Variants in CEP350 observed in about 807,000 individuals in gnomAD.
CEP350 encodes centrosomal protein 350.
In CEP350, 126 loss-of-function variants were observed where a neutral mutation model predicts 331.8. The observed-to-expected ratio is 0.38, with a 90% CI of 0.33 to 0.44. CEP350 has a LOEUF of 0.44. Ranked by LOEUF, CEP350 falls within the 20% of genes least tolerant of loss-of-function variation. The pLI is 1.00. For missense variants in CEP350, 3,406 were observed against 3,634.6 expected (o/e 0.94, Z 1.62); for synonymous variants, 1,200 against 1,259.5 (o/e 0.95, Z 1.00).
In CEP350 at chr1:180,092,760, T is replaced by C; in HGVS notation, c.6655T>C (p.Ser2219Pro). 3 of 1,593,634 alleles carry C rather than the reference T, an allele frequency of 1.9e-6. No homozygotes were observed. The highest frequency in any genetic ancestry group is 2.6e-6 in the Non-Finnish European group (3 of 1,168,666). ...ATCATCAAGGAAAATCAGAGAAGAA[T>C]CTGGAGATTCTCTAGAAAATGTACC... ...LRSSRKIREESGDSLENVPAL... is the reference protein window; with the variant it reads ...LRSSRKIREEPGDSLENVPAL... The change falls in exon 34 of 38, where the codon TCT becomes CCT. Residue 2219 changes from serine (S) to proline (P), a missense_variant. Around this residue, in one of 5 missense-constraint regions of CEP350, gnomAD observed 1,415 missense variants for 1,512.3 expected, o/e 0.94. Coordinates refer to ENST00000367607, the MANE Select transcript of CEP350 (RefSeq NM_014810.5).
intron 2 of CEP350, 109 bp downstream of exon 2, chr1:179,986,363 G>A (rs1571820485): frequency 1.6e-6 from 1 of 633,884 alleles, no homozygotes; most frequent in African/African-American, 1.8e-5. Context: ...TATAGAAAGT[G>A]GATAAATCAT....
At chr1:180,045,844 T>C (rs1287774445) in intron 21 of CEP350, among the ~76,000 whole-genome samples, 2 of 152,220 alleles carry the variant, frequency 1.3e-5, no homozygotes, top group Non-Finnish European at 2.9e-5. Context: ...ATGAAAACTT[T>C]CTTTATAATT....
At chr1:180,021,141 A>G (rs1489035131) in intron 12 of CEP350, 132 bp downstream of exon 12, 1 of 643,350 alleles carries the variant, frequency 1.6e-6, no homozygotes, top group East Asian at 3.2e-5. Flanking sequence ...TGTCCGTATT[A>G]GTCATCTTCT....
At chr1:180,003,380 A>T in intron 7 of CEP350, 93 bp downstream of exon 7, 1 of 853,432 alleles carries the variant, frequency 1.2e-6, no homozygotes, top group Non-Finnish European at 1.8e-6. Context: ...CAAACTAACA[A>T]TATTTTCCTT....
chr1:180,072,970 G>A (rs1658993628), intron 27 of CEP350, among the ~76,000 whole-genome samples: 1 of 151,824 alleles, frequency 6.6e-6, no homozygotes, highest in East Asian at 1.9e-4. Flanking sequence ...ATACACACAC[G>A]CACGGATCTA....
intron 1 of CEP350, among the ~76,000 whole-genome samples, chr1:179,983,240 A>G (rs956921786): frequency 1.3e-5 from 2 of 151,692 alleles, no homozygotes; most frequent in African/African-American, 4.8e-5. Context: ...CTAGTTTTGG[A>G]ACTTTTTTTT....
chr1:180,008,080 T>C (rs1407989871), intron 8 of CEP350, among the ~76,000 whole-genome samples: 3 of 152,160 alleles, frequency 2.0e-5, no homozygotes, highest in Non-Finnish European at 2.9e-5. Flanking sequence ...TGTTGTGAAC[T>C]TTTCTATACA....
chr1:180,087,666 T>C lies in CEP350; in HGVS notation c.6374T>C (p.Leu2125Pro). The C allele has an allele frequency of 6.3e-7, 1 of 1,580,622 alleles. No individual in the cohort carries two copies. The highest frequency in any genetic ancestry group is 8.6e-7 in the Non-Finnish European group (1 of 1,161,714). Residue 2125 changes from leucine (L) to proline (P), a missense_variant, in exon 32 of 38, where the codon CTC (leucine) becomes CCC (proline). Around this residue, in one of 5 missense-constraint regions of CEP350, gnomAD observed 1,415 missense variants for 1,512.3 expected, o/e 0.94. Coordinates refer to ENST00000367607, the MANE Select transcript of CEP350 (RefSeq NM_014810.5). Reference sequence around the variant, plus strand: ...ACAGCCAAGCCTCAGATTAAAACGCTCTCCTCAGCTTCTGAAAAACCCAAG... The same window carrying C: ...ACAGCCAAGCCTCAGATTAAAACGCCCTCCTCAGCTTCTGAAAAACCCAAG... ...SPTAKPQIKTLSSASEKPKIK... is the reference protein window; with the variant it reads ...SPTAKPQIKTPSSASEKPKIK...
Position 180,053,109 on chromosome 1 carries a change from T to C in CEP350, c.4932T>C (p.His1644=), listed in dbSNP as rs1390492932. The change falls in exon 23 of 38, where the codon CAT becomes CAC. Residue 1644 remains histidine, a synonymous_variant. Transcript: ENST00000367607. ...TTAACATGGAAAAGAGAAGAGGTCATCATGATGACTCTGATGAAGAAGCTT... is the reference window on the plus strand; with the variant it reads ...TTAACATGGAAAAGAGAAGAGGTCACCATGATGACTCTGATGAAGAAGCTT... ...RRFNMEKRRG[H]HDDSDEEASP... 1.9e-6 allele frequency: 3 copies of C among 1,607,878 alleles called. No individual in the cohort carries two copies. The highest frequency in any genetic ancestry group is 1.7e-5 in the Admixed American group (1 of 58,914).
chr1:179,997,747 G>A (rs1455027783), intron 6 of CEP350, among the ~76,000 whole-genome samples: 1 of 151,992 alleles, frequency 6.6e-6, no homozygotes, highest in East Asian at 1.9e-4. Flanking sequence ...TATTTTCAAA[G>A]AACTGAAAGA....
chr1:180,075,170 A>C lies in CEP350; in HGVS notation c.5716A>C (p.Lys1906Gln), dbSNP rs767218607. Reference sequence around the variant, plus strand: ...GGCTGCCTGGGACAAAGAATTAATAAAACCCAAAACTCCTAAGAAAGAACT... The same window carrying C: ...GGCTGCCTGGGACAAAGAATTAATACAACCCAAAACTCCTAAGAAAGAACT... ...ALAAWDKELI[K>Q]PKTPKKELED... Residue 1906 changes from lysine (K) to glutamine (Q), a missense_variant, in exon 28 of 38, where the codon AAA becomes CAA. Physicochemically the swap from Lys to Gln is moderately conservative, Grantham distance 53. This residue lies in a region of CEP350 where 1,415 missense variants were observed against 1,512.3 expected (regional missense o/e 0.94). Transcript: ENST00000367607. The C allele has an allele frequency of 1.9e-6, 3 of 1,613,406 alleles. No individual in the cohort carries two copies. The highest frequency in any genetic ancestry group is 2.5e-6 in the Non-Finnish European group (3 of 1,179,704).
chr1:180,061,742 T>C (rs1290446241), intron 25 of CEP350, among the ~76,000 whole-genome samples: 1 of 152,208 alleles, frequency 6.6e-6, no homozygotes, highest in Non-Finnish European at 1.5e-5. Flanking sequence ...GTCTTTGACT[T>C]GTTTATTTTA....
chr1:180,081,563 T>G (rs1206096544), intron 30 of CEP350, among the ~76,000 whole-genome samples: 2 of 152,226 alleles, frequency 1.3e-5, no homozygotes, highest in Non-Finnish European at 2.9e-5. Flanking sequence ...AATGTGTCAT[T>G]AAGCAATTTC....
At chr1:179,982,973 T>C (rs1652389161) in intron 1 of CEP350, among the ~76,000 whole-genome samples, 1 of 151,838 alleles carries the variant, frequency 6.6e-6, no homozygotes. Flanking sequence ...GTATTTTTAG[T>C]AGAGACAGAG....
Position 180,014,076 on chromosome 1 carries a change from T to G in CEP350, c.1623T>G (p.Ala541=), listed in dbSNP as rs1434400091. Residue 541 remains alanine, a synonymous_variant, in exon 10 of 38, where the codon GCT becomes GCG. Transcript: ENST00000367607. The stretch of plus-strand genomic sequence containing the variant: ...ATGACCTACAGCTGGATTCTACAGC[T>G]CACACTGCAAAGCAAGATACTGTAG... ...ILDDLQLDST[A]HTAKQDTVEL... The G allele has an allele frequency of 4.8e-5, 78 of 1,611,794 alleles. No individual in the cohort carries two copies. The highest frequency in any genetic ancestry group is 6.4e-5 in the Non-Finnish European group (76 of 1,178,844).
chr1:180,056,771 T>C (rs1385018648), intron 25 of CEP350, among the ~76,000 whole-genome samples: 2 of 152,060 alleles, frequency 1.3e-5, no homozygotes, highest in Non-Finnish European at 2.9e-5. Flanking sequence ...CACTTCTACC[T>C]CATTCTTTTT....
At chr1:180,065,054 A>G (rs962067813) in intron 26 of CEP350, 61 bp from the exon 27 acceptor site, 1 of 1,470,948 alleles carries the variant, frequency 6.8e-7, no homozygotes, top group Non-Finnish European at 9.0e-7. Flanking sequence ...AATTGACAGT[A>G]TTATGATGGC....
chr1:180,091,152 C>T (rs1415151345), intron 33 of CEP350, among the ~76,000 whole-genome samples: 3 of 151,608 alleles, frequency 2.0e-5, no homozygotes, highest in African/African-American at 7.3e-5. Context: ...GGACCAGGAT[C>T]ACAGGCACAT....
intron 27 of CEP350, among the ~76,000 whole-genome samples, chr1:180,070,361 G>A (rs919934359): frequency 2.0e-5 from 3 of 152,000 alleles, no homozygotes; most frequent in African/African-American, 7.3e-5. Flanking sequence ...GAATGCAGGC[G>A]ACAATTATAT....
Sources: allele counts gnomAD v4.1 joint callset (sites outside exome capture counted in the v4.1 genomes callset), GRCh38; gene constraint gnomAD v4.1.1; regional missense constraint gnomAD v4.1.1; transcripts MANE v1.5; gene names NCBI Gene and HGNC (gene_info 2026-07-23, HGNC 2026-07-21).